XRN1: variants seen among roughly 807,000 people sequenced by gnomAD.
XRN1 encodes strand-exchange protein 1 homolog.
In XRN1, 67 loss-of-function variants were observed where a neutral mutation model predicts 222.3. The observed-to-expected ratio is 0.30, with a 90% CI of 0.25 to 0.37. The LOEUF is 0.37. Among genes scored for constraint, XRN1 ranks in the 10% least tolerant of loss-of-function variants. The pLI, the probability that XRN1 is intolerant of heterozygous loss-of-function variation, is 1.00. For missense variants in XRN1, 1,707 were observed against 2,000.2 expected, an observed-to-expected ratio of 0.85 and a Z score of 2.80; for synonymous variants, 643 against 652.4, an observed-to-expected ratio of 0.99 and a Z score of 0.22.
Position 142,448,017 on chromosome 3 carries a change from T to G in XRN1, c.-73A>C. ...GCCCCGCCGGGGCTCCGCCGCAGCC[T>G]CCGGTCGTCGCTCCGCGGATGACAA... is the stretch of plus-strand genomic sequence containing the variant. On this transcript the variant is annotated 5_prime_UTR_variant, in exon 1 of 41. Coordinates refer to ENST00000392981, the MANE Select transcript of XRN1 (RefSeq NM_001282857.2). The G allele has an allele frequency of 6.6e-7, 1 of 1,515,074 alleles. No individual in the cohort carries two copies. Among genetic ancestry groups the G allele is most frequent in the Admixed American group, 1.7e-5 (1 of 58,674 alleles). The allele number at this position is 1,515,074 out of a possible 1,614,324, so 93.9% of individuals were successfully genotyped here.
At chr3:142,372,700 G>T (rs2067024145) in intron 25 of XRN1, among the ~76,000 whole-genome samples, 3 of 152,246 alleles carry the variant, frequency 2.0e-5, no homozygotes, top group African/African-American at 7.2e-5. Context: ...GCTGCAAGGG[G>T]ATAGGTCTTT....
At chr3:142,370,658 A>T (rs1278440870) in intron 26 of XRN1, 38 bp from the exon 27 acceptor site, 10 of 1,529,100 alleles carry the variant, frequency 6.5e-6, no homozygotes, top group Non-Finnish European at 8.8e-6. Context: ...TTTGATTAAA[A>T]CTTTCTCAGG....
intron 3 of XRN1, 90 bp from the exon 4 acceptor site, chr3:142,425,628 C>A (rs1350685680): frequency 9.5e-7 from 1 of 1,056,860 alleles, no homozygotes; most frequent in Admixed American, 2.3e-5. Flanking sequence ...CTGAGTACGC[C>A]GGGAATAGCT....
intron 23 of XRN1, 47 bp from the exon 24 acceptor site, chr3:142,376,641 C>T (rs1301542580): frequency 2.3e-6 from 3 of 1,325,500 alleles, no homozygotes; most frequent in Non-Finnish European, 3.2e-6. Context: ...CACAAGTTTA[C>T]ATTAAATGTT....
At chr3:142,331,835 C>T (rs7646516) in intron 36 of XRN1, among the ~76,000 whole-genome samples, 2 of 152,066 alleles carry the variant, frequency 1.3e-5, no homozygotes, top group Admixed American at 6.6e-5. Flanking sequence ...AGTGCAGTGG[C>T]GTGATCTTGG....
intron 2 of XRN1, among the ~76,000 whole-genome samples, chr3:142,431,917 T>TATTATATATA (rs2069593184): frequency 6.8e-5 from 6 of 88,246 alleles, no homozygotes; most frequent in Admixed American, 1.8e-4. Flanking sequence ...TATATAAATA[T>TATTATATATA]ATATAATATA....
At chr3:142,444,446 AC>A (rs1577468590) in intron 1 of XRN1, among the ~76,000 whole-genome samples, 2 of 152,146 alleles carry the variant, frequency 1.3e-5, no homozygotes, top group East Asian at 3.9e-4. Context: ...CTCCATGTCT[AC>A]TAAGAACACA....
chr3:142,447,588 T>G lies in XRN1; in HGVS notation c.75+282A>C, dbSNP rs1292293430. ...AAACCGGAGAACAGTAAAAGCGTTC[T>G]TTCCCAGGACTTCATTTCGGAGTCG... is the stretch of plus-strand genomic sequence containing the variant. On this transcript the variant is annotated intron_variant, in intron 1 of 40. Coordinates refer to ENST00000392981, the MANE Select transcript of XRN1 (RefSeq NM_001282857.2). This position sits in a 1 kb window ranked among gnomAD's most constrained non-coding sequence, Gnocchi z 4.2. Among the ~76,000 whole-genome samples the G allele has an allele frequency of 6.6e-6, 1 of 152,186 alleles. No individual in the cohort carries two copies.
chr3:142,327,683 A>T (rs1032558930), intron 37 of XRN1, among the ~76,000 whole-genome samples: 8 of 152,050 alleles, frequency 5.3e-5, no homozygotes, highest in African/African-American at 2.4e-5. Flanking sequence ...TATTTTAAAA[A>T]TTTGTATAAA....
intron 1 of XRN1, among the ~76,000 whole-genome samples, chr3:142,440,033 G>A (rs2070129649): frequency 6.6e-6 from 1 of 152,154 alleles, no homozygotes; most frequent in Admixed American, 6.5e-5. Context: ...AGATGATCCA[G>A]CAGCAGGACT....
intron 39 of XRN1, among the ~76,000 whole-genome samples, chr3:142,314,175 T>C (rs1031891325): frequency 6.6e-5 from 10 of 152,356 alleles, no homozygotes; most frequent in African/African-American, 2.4e-4. Flanking sequence ...AATGTTAATC[T>C]AATGCTTAAG....
intron 2 of XRN1, among the ~76,000 whole-genome samples, chr3:142,428,120 C>T (rs1011436654): frequency 6.6e-6 from 1 of 152,032 alleles, no homozygotes; most frequent in Non-Finnish European, 1.5e-5. Context: ...TGGCCAGGTG[C>T]GGTGGCTCAC....
At chr3:142,428,976 C>T (rs1267345667) in intron 2 of XRN1, among the ~76,000 whole-genome samples, 1 of 151,704 alleles carries the variant, frequency 6.6e-6, no homozygotes, top group Non-Finnish European at 1.5e-5. Context: ...TTAAGAAACA[C>T]AAAGGAAGAA....
At position 142,447,783 on chromosome 3, in the gene XRN1, T is replaced by G; in HGVS notation, c.75+87A>C. The G allele has an allele frequency of 1.4e-6, 2 of 1,451,392 alleles. No individual in the cohort carries two copies. Among genetic ancestry groups the G allele is most frequent in the East Asian group, 2.3e-5 (1 of 43,244 alleles). The allele number at this position is 1,451,392 out of a possible 1,614,324, so 89.9% of individuals were successfully genotyped here. ...CGTCCAGACGACGAGGGGAAAGAGG[T>G]GGCTCGAAAGCCCCAGCTCTAAGGT... On this transcript the variant is annotated intron_variant, in intron 1 of 40. Transcript: ENST00000392981. This position sits in a 1 kb window ranked among gnomAD's most constrained non-coding sequence, Gnocchi z 4.2.
At chr3:142,388,937 T>C (rs2067610112) in intron 20 of XRN1, among the ~76,000 whole-genome samples, 1 of 152,218 alleles carries the variant, frequency 6.6e-6, no homozygotes, top group Admixed American at 6.5e-5. Flanking sequence ...GCCGGGTGCA[T>C]TGGCTCATGC....
At chr3:142,446,300 C>T (rs182390475) in intron 1 of XRN1, among the ~76,000 whole-genome samples, 41 of 152,244 alleles carry the variant, frequency 2.7e-4, no homozygotes, top group African/African-American at 9.1e-4. Context: ...AAGCTGATAA[C>T]CTTTGGTCTC....
At chr3:142,434,408 G>A (rs961563971) in intron 1 of XRN1, among the ~76,000 whole-genome samples, 1 of 151,932 alleles carries the variant, frequency 6.6e-6, no homozygotes, top group African/African-American at 2.4e-5. Context: ...GAGCTCAAGC[G>A]ATTTGCCTGC....
chr3:142,330,572 C>T (rs72990421), intron 36 of XRN1, among the ~76,000 whole-genome samples: 1,868 of 150,624 alleles, frequency 0.012, 38 homozygotes, highest in African/African-American at 0.044. Context: ...GCTAGTGACC[C>T]TAAGACTCTA....
chr3:142,328,840 T>C (rs2065611169), intron 37 of XRN1, among the ~76,000 whole-genome samples: 1 of 144,844 alleles, frequency 6.9e-6, no homozygotes. Flanking sequence ...CTCACTGAAG[T>C]CCTGACCTCC....
Sources: gnomAD v4.1 joint callset for allele counts (sites outside exome capture counted in the v4.1 genomes callset) on GRCh38, gnomAD v4.1.1 for gene constraint, Gnocchi (gnomAD v3.1) non-coding constraint, MANE v1.5 for transcripts, NCBI Gene and HGNC (gene_info 2026-07-23, HGNC 2026-07-21) for gene names.